HTRA1: variants seen among roughly 807,000 people sequenced by gnomAD.
HTRA1 encodes serine protease HTRA1.
In HTRA1, 26 loss-of-function variants were observed where a neutral mutation model predicts 49.7. The ratio of observed to expected loss-of-function variants is 0.52; its 90% CI spans 0.38 to 0.73. HTRA1 has a LOEUF of 0.73. Among genes scored for constraint, HTRA1 ranks in the 30% least tolerant of loss-of-function variants. HTRA1 has a pLI of 0.00. For missense variants in HTRA1, 561 were observed against 667.2 expected, an observed-to-expected ratio of 0.84 and a Z score of 1.75; for synonymous variants, 291 against 286.9, an observed-to-expected ratio of 1.01 and a Z score of -0.14.
rs118087670 is a variant in HTRA1, at chr10:122,475,383, C to T, written c.472+13259C>T. Among the ~76,000 whole-genome samples, 2,110 of 152,282 alleles carry T rather than the reference C, an allele frequency of 0.014. 81 individuals carry two copies. In the East Asian group the frequency reaches 0.15, roughly 11 times the overall value. The stretch of plus-strand genomic sequence containing the variant: ...GTGCTGCAAGTCGAGGCCAGGCTCC[C>T]GGCTCCCCCGCCTCTTCCTCCTTGA... On this transcript the variant is annotated intron_variant, in intron 1 of 8. Transcript: ENST00000368984.
At chr10:122,485,716 A>G (rs1591030993) in intron 1 of HTRA1, among the ~76,000 whole-genome samples, 3 of 152,150 alleles carry the variant, frequency 2.0e-5, no homozygotes, top group African/African-American at 7.2e-5. Flanking sequence ...TCCACCTTCA[A>G]TCCATCTTCA....
At chr10:122,508,600 T>C in intron 5 of HTRA1, 56 bp from the exon 6 acceptor site, 3 of 1,101,460 alleles carry the variant, frequency 2.7e-6, no homozygotes, top group South Asian at 2.5e-5. Context: ...TCTCTGGGTG[T>C]GTACCTGCCG....
chr10:122,463,259 C>T (rs192031016), intron 1 of HTRA1, among the ~76,000 whole-genome samples: 7 of 152,304 alleles, frequency 4.6e-5, no homozygotes, highest in African/African-American at 1.4e-4. Context: ...CTTACGTGGA[C>T]GGGAAGATGC....
intron 3 of HTRA1, among the ~76,000 whole-genome samples, chr10:122,505,143 G>A (rs1399421747): frequency 1.3e-5 from 2 of 152,174 alleles, no homozygotes; most frequent in African/African-American, 2.4e-5. Context: ...GTAGCTGTAC[G>A]TTAGTCCCAT....
intron 1 of HTRA1, among the ~76,000 whole-genome samples, chr10:122,481,146 G>A (rs67290830): frequency 0.21 from 31,736 of 151,848 alleles, 3,575 homozygotes; most frequent in South Asian, 0.43. Flanking sequence ...ATATTTTTCT[G>A]CTACCCACAC....
At chr10:122,462,541 CT>C (rs1779030518) in intron 1 of HTRA1, among the ~76,000 whole-genome samples, 2 of 152,278 alleles carry the variant, frequency 1.3e-5, no homozygotes, top group South Asian at 4.1e-4. Flanking sequence ...ATTTCGGTTG[CT>C]TTTTCTTCTA....
In HTRA1 at chr10:122,494,739, G is replaced by A. The variant is rs188560887; in HGVS notation, c.777+5113G>A. On this transcript the variant is annotated intron_variant, in intron 3 of 8. Coordinates refer to ENST00000368984, the MANE Select transcript of HTRA1 (RefSeq NM_002775.5). This position sits in a 1 kb window ranked among gnomAD's most constrained non-coding sequence, Gnocchi z 4.0. ...AGGGAGCCCTCTGGGCGCTGGGGCC[G>A]CTGTGTTTGCAGAGGGTCCTCTTAC... Among the ~76,000 whole-genome samples, 75 of 152,268 alleles carry A rather than the reference G, an allele frequency of 4.9e-4. No individual in the cohort carries two copies. The highest frequency in any genetic ancestry group is 9.7e-4 in the Non-Finnish European group (66 of 68,018).
At chr10:122,505,552 G>A (rs573095988) in intron 3 of HTRA1, among the ~76,000 whole-genome samples, 1 of 152,288 alleles carries the variant, frequency 6.6e-6, no homozygotes, top group East Asian at 1.9e-4. Context: ...AATGGGCATG[G>A]TGGTCACCCC....
chr10:122,462,178 C>A, intron 1 of HTRA1, 54 bp downstream of exon 1: 1 of 1,415,578 alleles, frequency 7.1e-7, no homozygotes, highest in Non-Finnish European at 9.6e-7. Flanking sequence ...CAGCTCGGAC[C>A]TGCTTCTGCG....
chr10:122,494,441 C>A lies in HTRA1; in HGVS notation c.777+4815C>A, dbSNP rs989967530. 6.6e-6 allele frequency among the ~76,000 whole-genome samples: 1 copy of A among 152,180 alleles called. No individual in the cohort carries two copies. ...GCTGGCTGCAGATGCCCCTGCCTCC[C>A]GGCTTTGCCTGCTTGGAGTTTGATG... On this transcript the variant is annotated intron_variant, in intron 3 of 8. Transcript: ENST00000368984. This position sits in a 1 kb window ranked among gnomAD's most constrained non-coding sequence, Gnocchi z 4.0.
chr10:122,472,531 G>T (rs1317832258), intron 1 of HTRA1, among the ~76,000 whole-genome samples: 1 of 151,902 alleles, frequency 6.6e-6, no homozygotes, highest in Non-Finnish European at 1.5e-5. Flanking sequence ...CAGTAGCTGG[G>T]ATTACAGGCC....
At chr10:122,484,177 C>A (rs1467301509) in intron 1 of HTRA1, among the ~76,000 whole-genome samples, 1 of 152,182 alleles carries the variant, frequency 6.6e-6, no homozygotes, top group African/African-American at 2.4e-5. Flanking sequence ...CCTTCTGCTG[C>A]CTCAGTTCTG....
At chr10:122,497,588 G>C (rs2097499293) in intron 3 of HTRA1, among the ~76,000 whole-genome samples, 1 of 152,156 alleles carries the variant, frequency 6.6e-6, no homozygotes, top group Admixed American at 6.5e-5. Context: ...GATACAAGCT[G>C]TTCCCTTTGC....
intron 1 of HTRA1, among the ~76,000 whole-genome samples, chr10:122,479,027 C>T (rs1441513374): frequency 6.6e-6 from 1 of 152,240 alleles, no homozygotes; most frequent in Non-Finnish European, 1.5e-5. Context: ...TCAATCTGCT[C>T]TTGCAACTGA....
chr10:122,508,855 C>T (rs562961736), intron 6 of HTRA1, 85 bp downstream of exon 6: 61 of 839,046 alleles, frequency 7.3e-5, no homozygotes, highest in Admixed American at 1.2e-4. Flanking sequence ...AAGGGAAAAG[C>T]GGCAGCCCCT....
chr10:122,472,478 C>G (rs899399765), intron 1 of HTRA1, among the ~76,000 whole-genome samples: 5 of 151,670 alleles, frequency 3.3e-5, no homozygotes, highest in African/African-American at 1.2e-4. Context: ...TCCCTGCAAC[C>G]TCCACCTCCC....
At chr10:122,513,262 A>C (rs2097506439) in intron 8 of HTRA1, among the ~76,000 whole-genome samples, 1 of 152,184 alleles carries the variant, frequency 6.6e-6, no homozygotes, top group Non-Finnish European at 1.5e-5. Flanking sequence ...CTCTTAACAG[A>C]AACATTCCGC....
At chr10:122,503,490 A>G (rs868473403) in intron 3 of HTRA1, among the ~76,000 whole-genome samples, 1 of 152,192 alleles carries the variant, frequency 6.6e-6, no homozygotes, top group African/African-American at 2.4e-5. Context: ...ATGGACCACC[A>G]TAAATCTGGC....
intron 5 of HTRA1, 128 bp downstream of exon 5, chr10:122,507,530 G>A (rs2097503598): frequency 1.3e-6 from 1 of 757,496 alleles, no homozygotes; most frequent in Admixed American, 2.0e-5. Context: ...TTGCCAAAGT[G>A]TATTATAAAT....
Sources: allele counts gnomAD v4.1 joint callset (sites outside exome capture counted in the v4.1 genomes callset), GRCh38; gene constraint gnomAD v4.1.1; non-coding constraint Gnocchi (gnomAD v3.1); transcripts MANE v1.5; gene names NCBI Gene and HGNC (gene_info 2026-07-23, HGNC 2026-07-21).